Variants in INPP4B observed in about 807,000 individuals in gnomAD.
INPP4B encodes inositol polyphosphate 4-phosphatase type II.
Under a neutral mutation model 122.5 loss-of-function variants are expected in INPP4B, and 55 were observed. That is an observed-to-expected ratio of 0.45 (90% CI 0.36 to 0.56). INPP4B has a LOEUF of 0.56. Among genes scored for constraint, INPP4B ranks in the 20% least tolerant of loss-of-function variants. The pLI, the probability that INPP4B is intolerant of heterozygous loss-of-function variation, is 0.00. For synonymous variants in INPP4B, 403 were observed against 388.7 expected, an observed-to-expected ratio of 1.04 and a Z score of -0.43; for missense variants, 1,000 against 1,097.7, an observed-to-expected ratio of 0.91 and a Z score of 1.26.
intron 2 of INPP4B, among the ~76,000 whole-genome samples, chr4:142,585,860 T>TATTATA (rs1736077437): frequency 6.7e-6 from 1 of 149,284 alleles, no homozygotes; most frequent in Admixed American, 6.7e-5. Context: ...TTATTATTAT[T>TATTATA]ATTATTATTA....
At chr4:142,671,970 T>C (rs370279931) in intron 2 of INPP4B, among the ~76,000 whole-genome samples, 11 of 152,296 alleles carry the variant, frequency 7.2e-5, no homozygotes, top group South Asian at 4.1e-4. Flanking sequence ...TTCTGTCCTA[T>C]GGTTTTGTCT....
At chr4:142,733,189 G>A (rs1766345862) in intron 1 of INPP4B, among the ~76,000 whole-genome samples, 2 of 152,124 alleles carry the variant, frequency 1.3e-5, no homozygotes, top group Non-Finnish European at 2.9e-5. Context: ...GCATTTACAT[G>A]TTCAAAACAA....
chr4:142,269,297 C>A (rs560462659), intron 10 of INPP4B, among the ~76,000 whole-genome samples: 885 of 52,920 alleles, frequency 0.017, 10 homozygotes, highest in African/African-American at 0.04. Context: ...TACCCTCCCC[C>A]CTCTTTTTTC....
chr4:142,057,804 A>C (rs1758489606), intron 25 of INPP4B, among the ~76,000 whole-genome samples: 1 of 152,130 alleles, frequency 6.6e-6, no homozygotes, highest in South Asian at 2.1e-4. Context: ...CATTTCTAGA[A>C]TCTACAGTGC....
rs538065981 is a variant in INPP4B, at chr4:142,225,780, G to A, written c.836+12084C>T. 7.9e-5 allele frequency among the ~76,000 whole-genome samples: 12 copies of A among 152,128 alleles called. No individual in the cohort carries two copies. In the East Asian group the frequency reaches 2.1e-3, roughly 27 times the overall value. On this transcript the variant is annotated intron_variant, in intron 12 of 25. Coordinates refer to ENST00000262992, the MANE Select transcript of INPP4B (RefSeq NM_001101669.3). The stretch of plus-strand genomic sequence containing the variant: ...AATTTTCTCCTGGGAACTTTTATTG[G>A]TTATGAGGTTCATTTCCACTGAAAT...
rs763016910 is a variant in INPP4B, at chr4:142,270,644, G to A, written c.615+19C>T. 5.4e-5 allele frequency: 77 copies of A among 1,429,420 alleles called. No individual in the cohort carries two copies. The highest frequency in any genetic ancestry group is 2.8e-5 in the Non-Finnish European group (28 of 1,011,426). 88.5% of individuals were successfully genotyped at this position (1,429,420 alleles called of 1,614,324 possible). A position where few individuals can be genotyped will look rare whatever the true frequency, so the allele number is the denominator to read the frequency against. ...TCATTTTTAATTTAATTTGTACAATGAGCAGACTGAGATCCTACCTTTTGT... is the reference window on the plus strand; with the variant it reads ...TCATTTTTAATTTAATTTGTACAATAAGCAGACTGAGATCCTACCTTTTGT... On this transcript the variant is annotated intron_variant, in intron 10 of 25. Transcript: ENST00000262992.
chr4:142,171,188 G>A (rs1825465805), intron 16 of INPP4B, among the ~76,000 whole-genome samples: 1 of 151,710 alleles, frequency 6.6e-6, no homozygotes, highest in African/African-American at 2.4e-5. Context: ...GCCCTGGGCT[G>A]CCCTCAGTCT....
At chr4:142,690,511 C>T (rs1425833346) in intron 2 of INPP4B, among the ~76,000 whole-genome samples, 2 of 152,154 alleles carry the variant, frequency 1.3e-5, no homozygotes, top group Non-Finnish European at 2.9e-5. Flanking sequence ...GGAGCCCTGG[C>T]TGCCTTCAAA....
chr4:142,072,206 A>T (rs1767850306), intron 25 of INPP4B, among the ~76,000 whole-genome samples: 1 of 152,114 alleles, frequency 6.6e-6, no homozygotes, highest in African/African-American at 2.4e-5. Context: ...TGAAGCTGGA[A>T]ACCATCATTC....
chr4:142,080,021 A>T (rs1773057420), intron 25 of INPP4B, among the ~76,000 whole-genome samples: 1 of 152,132 alleles, frequency 6.6e-6, no homozygotes, highest in East Asian at 1.9e-4. Flanking sequence ...AACATTGTTA[A>T]TTCCTGTACA....
intron 2 of INPP4B, among the ~76,000 whole-genome samples, chr4:142,629,110 T>C (rs1008645034): frequency 1.3e-5 from 2 of 151,926 alleles, no homozygotes; most frequent in Non-Finnish European, 2.9e-5. Flanking sequence ...ACAAAAGTAA[T>C]AGGTAAAGAG....
chr4:142,504,820 T>C (rs1267239707), intron 2 of INPP4B, among the ~76,000 whole-genome samples: 1 of 152,038 alleles, frequency 6.6e-6, no homozygotes, highest in Non-Finnish European at 1.5e-5. Context: ...ATATTATTAA[T>C]AGTATATGAA....
chr4:142,674,257 C>T (rs1757406892), intron 2 of INPP4B, among the ~76,000 whole-genome samples: 2 of 152,060 alleles, frequency 1.3e-5, no homozygotes, highest in Admixed American at 1.3e-4. Flanking sequence ...AATAAACTTC[C>T]TGAATGTAAA....
intron 1 of INPP4B, among the ~76,000 whole-genome samples, chr4:142,806,358 T>C (rs927474187): frequency 6.7e-6 from 1 of 148,282 alleles, no homozygotes; most frequent in East Asian, 2.0e-4. Context: ...AGGCACTTGA[T>C]AATATATATG....
intron 25 of INPP4B, among the ~76,000 whole-genome samples, chr4:142,075,847 T>A (rs1381462361): frequency 6.6e-6 from 1 of 152,078 alleles, no homozygotes; most frequent in African/African-American, 2.4e-5. Context: ...ACTGCACAGA[T>A]AATTAGTGTT....
chr4:142,083,522 C>T (rs1322678978), intron 24 of INPP4B, among the ~76,000 whole-genome samples: 1 of 152,136 alleles, frequency 6.6e-6, no homozygotes, highest in Non-Finnish European at 1.5e-5. Context: ...TAAAATAGAT[C>T]TAATGTGATA....
chr4:142,078,064 C>G (rs1163179470), intron 25 of INPP4B, among the ~76,000 whole-genome samples: 1 of 151,652 alleles, frequency 6.6e-6, no homozygotes, highest in Non-Finnish European at 1.5e-5. Context: ...AGAGTCAGAT[C>G]ACCCAGACAC....
intron 7 of INPP4B, among the ~76,000 whole-genome samples, chr4:142,375,812 T>C (rs578212182): frequency 6.6e-6 from 1 of 151,866 alleles, no homozygotes; most frequent in South Asian, 2.1e-4. Context: ...AAGAGAAAAA[T>C]CCTGGGCCTT....
At chr4:142,748,414 C>A (rs545659011) in intron 1 of INPP4B, among the ~76,000 whole-genome samples, 7 of 151,786 alleles carry the variant, frequency 4.6e-5, no homozygotes, top group Middle Eastern at 3.4e-3. Flanking sequence ...ATTAAATAGA[C>A]AAATGATAGA....
Sources: gnomAD v4.1 joint callset for allele counts (sites outside exome capture counted in the v4.1 genomes callset) on GRCh38, gnomAD v4.1.1 for gene constraint, MANE v1.5 for transcripts, NCBI Gene and HGNC (gene_info 2026-07-23, HGNC 2026-07-21) for gene names.